The following LMBR1 variants were observed in gnomAD, a reference collection of about 807,000 sequenced individuals.
LMBR1 encodes the protein limb development membrane protein 1.
In LMBR1, 52 loss-of-function variants were observed where a neutral mutation model predicts 73.9. That is an observed-to-expected ratio of 0.70 (90% CI 0.56 to 0.89). The LOEUF (loss-of-function observed/expected upper bound fraction) is 0.89, where lower values mean the gene tolerates loss of function less well. Ranked by LOEUF, LMBR1 falls within the 40% of genes least tolerant of loss-of-function variation. LMBR1 has a pLI of 0.00. For synonymous variants in LMBR1, 215 were observed against 209.4 expected (o/e 1.03, Z -0.23); for missense variants, 539 against 579.8 (o/e 0.93, Z 0.72).
intron 8 of LMBR1, among the ~76,000 whole-genome samples, chr7:156,758,971 G>T (rs929495682): frequency 6.6e-6 from 1 of 152,094 alleles, no homozygotes; most frequent in Non-Finnish European, 1.5e-5. Flanking sequence ...GAAATGTTAC[G>T]TGCCTTCAAA....
chr7:156,722,065 T>C (rs1814705617), intron 15 of LMBR1, among the ~76,000 whole-genome samples: 1 of 152,104 alleles, frequency 6.6e-6, no homozygotes, highest in Non-Finnish European at 1.5e-5. Context: ...ATCAAATTTA[T>C]ATTCTTCACT....
chr7:156,888,186 G>C (rs1330935384), intron 1 of LMBR1, among the ~76,000 whole-genome samples: 1 of 152,028 alleles, frequency 6.6e-6, no homozygotes, highest in Non-Finnish European at 1.5e-5. Flanking sequence ...TGAGGCGGGC[G>C]AATCACGAGG....
In LMBR1 at chr7:156,724,159, G is replaced by T. The variant is rs781063724; in HGVS notation, c.1178C>A (p.Ser393Tyr). The change falls in exon 15 of 17, where the codon TCC becomes TAC. Residue 393 changes from serine (S) to tyrosine (Y), a missense_variant. This residue lies in a region of LMBR1 where 454 missense variants were observed against 473.4 expected (regional missense o/e 0.96). Transcript: ENST00000353442. Reference protein sequence around the residue: ...TMTKIIGNCVSILVLSSALPV... With the variant: ...TMTKIIGNCVYILVLSSALPV... ...CAGAGCAGAGCTCAAAACCAAGATG[G>T]ACACACAATTTCCAATGATCTGTTA... 1.2e-6 allele frequency: 2 copies of T among 1,610,500 alleles called. No homozygotes were observed. Among genetic ancestry groups the T allele is most frequent in the Non-Finnish European group, 1.7e-6 (2 of 1,178,100 alleles).
chr7:156,808,476 A>G (rs917212104), intron 4 of LMBR1, among the ~76,000 whole-genome samples: 2 of 152,148 alleles, frequency 1.3e-5, no homozygotes, highest in African/African-American at 2.4e-5. Flanking sequence ...TTGTCTTTAC[A>G]GTGGGTATCC....
chr7:156,826,569 TATTA>T, intron 4 of LMBR1, 32 bp downstream of exon 4: 1 of 1,278,632 alleles, frequency 7.8e-7, no homozygotes, highest in Non-Finnish European at 1.0e-6. Context: ...AAAATTAAAA[TATTA>T]ATTGTGATTA....
chr7:156,688,686 G>A (rs533672334), intron 15 of LMBR1, among the ~76,000 whole-genome samples: 7 of 152,162 alleles, frequency 4.6e-5, no homozygotes, highest in South Asian at 2.1e-4. Flanking sequence ...CCATCTCCTC[G>A]GACAGGAAAC....
intron 8 of LMBR1, among the ~76,000 whole-genome samples, chr7:156,756,894 G>A (rs1224895438): frequency 6.6e-6 from 1 of 152,076 alleles, no homozygotes; most frequent in African/African-American, 2.4e-5. Context: ...TCAGCTCACT[G>A]CAACCTCTGC....
intron 9 of LMBR1, among the ~76,000 whole-genome samples, chr7:156,754,055 C>T (rs772506907): frequency 1.9e-4 from 29 of 151,922 alleles, no homozygotes; most frequent in Non-Finnish European, 2.9e-4. Context: ...AATTAAGATC[C>T]GTAATAAGCA....
Position 156,756,393 on chromosome 7 carries a change from C to T in LMBR1, c.757G>A (p.Gly253Arg). 1.4e-6 allele frequency: 2 copies of T among 1,379,506 alleles called. No individual in the cohort carries two copies. The highest frequency in any genetic ancestry group is 2.0e-6 in the Non-Finnish European group (2 of 976,056). The allele number at this position is 1,379,506 out of a possible 1,614,324, so 85.5% of individuals were successfully genotyped here. The change falls in exon 9 of 17, where the codon GGG becomes AGG. Residue 253 changes from glycine (G) to arginine (R), a missense_variant and splice_region_variant. By Grantham distance (125) the Gly-to-Arg change is moderately radical (BLOSUM62 -2). Around this residue, in one of 3 missense-constraint regions of LMBR1, gnomAD observed 454 missense variants for 473.4 expected, o/e 0.96. Coordinates refer to ENST00000353442, the MANE Select transcript of LMBR1 (RefSeq NM_022458.4). ...GTCTAAATATGTAATATAAACATAC[C>T]ATTTAGTCGTCTCTGGAGTGCTTCT... ...EEEALQRRLN[G>R]LSSSVEYNIM...
intron 15 of LMBR1, among the ~76,000 whole-genome samples, chr7:156,718,986 T>C (rs911088298): frequency 2.6e-5 from 4 of 152,120 alleles, no homozygotes; most frequent in African/African-American, 7.2e-5. Context: ...GCAATGATTT[T>C]TTTATTATTA....
chr7:156,838,512 T>C (rs886237352), intron 1 of LMBR1, among the ~76,000 whole-genome samples: 2 of 152,222 alleles, frequency 1.3e-5, no homozygotes, highest in Non-Finnish European at 2.9e-5. Context: ...AATTAATGTC[T>C]TCCAGGTTCA....
chr7:156,775,677 T>C (rs1826001943), intron 5 of LMBR1, among the ~76,000 whole-genome samples: 1 of 152,222 alleles, frequency 6.6e-6, no homozygotes, highest in South Asian at 2.1e-4. Context: ...ATTCTTCCAT[T>C]ATACTTTATG....
intron 4 of LMBR1, among the ~76,000 whole-genome samples, chr7:156,808,102 T>A (rs1001861575): frequency 7.9e-5 from 12 of 152,172 alleles, no homozygotes; most frequent in African/African-American, 2.9e-4. Flanking sequence ...TCTTGGATGT[T>A]CTATAAATGT....
At chr7:156,733,083 T>C (rs746078796) in intron 10 of LMBR1, among the ~76,000 whole-genome samples, 29 of 152,098 alleles carry the variant, frequency 1.9e-4, no homozygotes, top group Non-Finnish European at 3.8e-4. Context: ...AGGCGGAGGT[T>C]GCAGTGAGTT....
At chr7:156,883,857 C>A (rs1209532731) in intron 1 of LMBR1, among the ~76,000 whole-genome samples, 1 of 152,160 alleles carries the variant, frequency 6.6e-6, no homozygotes, top group Non-Finnish European at 1.5e-5. Context: ...TAGAGCCCAC[C>A]TGGATAATTC....
chr7:156,824,484 T>C (rs542799290), intron 4 of LMBR1, among the ~76,000 whole-genome samples: 2 of 152,174 alleles, frequency 1.3e-5, no homozygotes, highest in South Asian at 2.1e-4. Context: ...ATAATAGCAA[T>C]GAAAAAAGAA....
At chr7:156,710,593 A>T (rs532542346) in intron 15 of LMBR1, among the ~76,000 whole-genome samples, 1 of 152,368 alleles carries the variant, frequency 6.6e-6, no homozygotes, top group Non-Finnish European at 1.5e-5. Flanking sequence ...AAAAGTTTGG[A>T]AAACTTATTT....
chr7:156,676,458 G>A (rs770224272), downstream of LMBR1: 1 of 1,614,058 alleles, frequency 6.2e-7, no homozygotes, highest in Non-Finnish European at 8.5e-7. Context: ...CATCTGCCTG[G>A]CCCCTCTCTC....
chr7:156,748,358 A>G (rs979484195), intron 9 of LMBR1, among the ~76,000 whole-genome samples: 1 of 152,234 alleles, frequency 6.6e-6, no homozygotes, highest in Non-Finnish European at 1.5e-5. Context: ...TCTAAACTAG[A>G]TAAGATGTTA....
Sources: gnomAD v4.1 joint callset for allele counts (sites outside exome capture counted in the v4.1 genomes callset) on GRCh38, gnomAD v4.1.1 for gene constraint, gnomAD v4.1.1 regional missense constraint, MANE v1.5 for transcripts, NCBI Gene and HGNC (gene_info 2026-07-23, HGNC 2026-07-21) for gene names.